ERAL1: variants seen among roughly 807,000 people sequenced by gnomAD.
ERAL1 encodes the protein GTPase Era, mitochondrial.
A neutral mutation model predicts 53.6 loss-of-function variants in ERAL1; 36 were observed. The observed-to-expected ratio is 0.67, with a 90% CI of 0.51 to 0.89. The LOEUF (loss-of-function observed/expected upper bound fraction) is 0.89, where lower values mean the gene tolerates loss of function less well. Ranked by LOEUF, ERAL1 falls within the 40% of genes least tolerant of loss-of-function variation. The probability of loss-of-function intolerance (pLI) is 0.00; values close to 1 mark genes in which losing one functional copy is unlikely to be tolerated. For missense variants in ERAL1, 512 were observed against 537.5 expected, an observed-to-expected ratio of 0.95 and a Z score of 0.47; for synonymous variants, 215 against 211.8, an observed-to-expected ratio of 1.02 and a Z score of -0.13.
At chr17:28,859,601 G>A (rs1230827149) in intron 9 of ERAL1, among the ~76,000 whole-genome samples, 3 of 151,264 alleles carry the variant, frequency 2.0e-5, no homozygotes, top group Admixed American at 6.6e-5. Context: ...GTGCAGTGGC[G>A]TGATCTCTGC....
At chr17:28,858,870 G>T (rs762609894) in intron 7 of ERAL1, 46 bp downstream of exon 7, 4 of 1,612,846 alleles carry the variant, frequency 2.5e-6, no homozygotes, top group Non-Finnish European at 3.4e-6. Context: ...TCTACCATAT[G>T]AAGACAGCCC....
chr17:28,858,777 A>C lies in ERAL1; in HGVS notation c.913A>C (p.Ile305Leu), dbSNP rs1371225810. 3 of 1,614,138 alleles carry C rather than the reference A, an allele frequency of 1.9e-6. No individual in the cohort carries two copies. Among genetic ancestry groups the C allele is most frequent in the Non-Finnish European group, 1.7e-6 (2 of 1,179,998 alleles). The change falls in exon 7 of 10, where the codon ATC becomes CTC. Residue 305 changes from isoleucine to leucine, a missense_variant. Ile to Leu is a conservative substitution (Grantham distance 5, BLOSUM62 2). Transcript: ENST00000254928. ...GATTGGCTGGCCCCACTTCAAGGAG[A>C]TCTTCATGTTGTCAGCCCTAAGCCA... Reference protein sequence around the residue: ...QRIGWPHFKEIFMLSALSQED... With the variant: ...QRIGWPHFKELFMLSALSQED...
intron 9 of ERAL1, among the ~76,000 whole-genome samples, chr17:28,859,623 T>G (rs2152642797): frequency 6.6e-6 from 1 of 152,002 alleles, no homozygotes; most frequent in South Asian, 2.1e-4. Context: ...CACTGCAACC[T>G]CCGCCTCCCA....
rs2039246091 is a variant in ERAL1, at chr17:28,856,563, C to A, written c.470C>A (p.Thr157Lys). ...TTRCQALGVITEKETQVILLD... is the reference protein window; with the variant it reads ...TTRCQALGVIKEKETQVILLD... ...CGCTGCCAAGCTCTGGGGGTCATCA[C>A]AGAGAAGGAGACCCAGGTGGTGGGT... The change falls in exon 3 of 10, where the codon ACA (threonine) becomes AAA (lysine). Residue 157 changes from threonine to lysine, a missense_variant. Physicochemically the swap from Thr to Lys is moderately conservative, Grantham distance 78 (BLOSUM62 -1). Transcript: ENST00000254928. 1.2e-6 allele frequency: 2 copies of A among 1,613,882 alleles called. No individual in the cohort carries two copies. The highest frequency in any genetic ancestry group is 2.7e-5 in the African/African-American group (2 of 74,880).
At chr17:28,857,455 C>T (rs1367991526) in intron 3 of ERAL1, among the ~76,000 whole-genome samples, 1 of 151,910 alleles carries the variant, frequency 6.6e-6, no homozygotes, top group East Asian at 1.9e-4. Context: ...TATTCACAGT[C>T]ATCATCTTTC....
Position 28,858,003 on chromosome 17 carries a change from G to A in ERAL1, c.536+18G>A. ...CAGAAGAGGTAATGGTGGTGGAATT[G>A]GGGTGGATTGGCGGGGAGGTACTGA... On this transcript the variant is annotated intron_variant, in intron 4 of 9. Coordinates refer to ENST00000254928, the MANE Select transcript of ERAL1 (RefSeq NM_005702.4). 1 of 1,614,098 alleles carries A rather than the reference G, an allele frequency of 6.2e-7. No homozygotes were observed. The highest frequency in any genetic ancestry group is 1.3e-5 in the African/African-American group (1 of 75,010).
chr17:28,858,341 C>G, intron 5 of ERAL1, 33 bp from the exon 6 acceptor site: 3 of 1,610,890 alleles, frequency 1.9e-6, no homozygotes, highest in Non-Finnish European at 2.5e-6. Flanking sequence ...GTGACCATTT[C>G]CTTTTCCTTC....
Position 28,857,996 on chromosome 17 carries a change from T to G in ERAL1, c.536+11T>G, listed in dbSNP as rs1371902180. 1 of 1,613,860 alleles carries G rather than the reference T, an allele frequency of 6.2e-7. No individual in the cohort carries two copies. The highest frequency in any genetic ancestry group is 8.5e-7 in the Non-Finnish European group (1 of 1,179,976). ...TGGTAAACAGAAGAGGTAATGGTGGTGGAATTGGGGTGGATTGGCGGGGAG... is the reference window on the plus strand; with the variant it reads ...TGGTAAACAGAAGAGGTAATGGTGGGGGAATTGGGGTGGATTGGCGGGGAG... On this transcript the variant is annotated intron_variant, in intron 4 of 9. Transcript: ENST00000254928.
At chr17:28,857,476 C>A (rs1033216995) in intron 3 of ERAL1, among the ~76,000 whole-genome samples, 5 of 151,914 alleles carry the variant, frequency 3.3e-5, no homozygotes, top group Admixed American at 6.6e-5. Flanking sequence ...TCCCAGATCC[C>A]ATCAAAGCAG....
chr17:28,857,940 T>C lies in ERAL1; in HGVS notation c.491T>C (p.Ile164Thr). The C allele has an allele frequency of 6.2e-7, 1 of 1,614,134 alleles. No individual in the cohort carries two copies. Among genetic ancestry groups the C allele is most frequent in the Non-Finnish European group, 8.5e-7 (1 of 1,180,032 alleles). ...GGTATCTCACTTTCCTGATTTTAGA[T>C]TCTACTTGACACACCTGGCATTATC... ...GVITEKETQV[I>T]LLDTPGIISP... Residue 164 changes from isoleucine (I) to threonine (T), a missense_variant and splice_region_variant, in exon 4 of 10, where the codon ATT (isoleucine) becomes ACT (threonine). Physicochemically the swap from Ile to Thr is moderately conservative, Grantham distance 89. Coordinates refer to ENST00000254928, the MANE Select transcript of ERAL1 (RefSeq NM_005702.4).
At chr17:28,856,243 C>T in intron 1 of ERAL1, 21 bp from the exon 2 acceptor site, 1 of 1,613,460 alleles carries the variant, frequency 6.2e-7, no homozygotes, top group Non-Finnish European at 8.5e-7. Flanking sequence ...GTGTCTCATG[C>T]TTCTTCCCAC....
chr17:28,860,698 C>T lies in ERAL1; in HGVS notation c.*145C>T. On this transcript the variant is annotated 3_prime_UTR_variant, in exon 10 of 10. Transcript: ENST00000254928. ...ACTAGCTGGCCTGGCCCTGTTGAGT[C>T]TGCACAGTCCCTGCCCAGCTGTGTC... 1.0e-6 allele frequency: 1 copy of T among 979,666 alleles called. No individual in the cohort carries two copies. 60.7% of individuals were successfully genotyped at this position (979,666 alleles called of 1,614,324 possible).
chr17:28,855,428 CAGGG>C, intron 1 of ERAL1, 111 bp downstream of exon 1: 14 of 1,221,366 alleles, frequency 1.1e-5, no homozygotes, highest in Non-Finnish European at 1.4e-5. Context: ...GAGGCCCTGA[CAGGG>C]AGGAGCAGTG....
rs935649733 is a variant in ERAL1 at position 28,858,169 on chromosome 17, T to C, written c.560T>C (p.Leu187Ser). 1.2e-6 allele frequency: 2 copies of C among 1,613,986 alleles called. No homozygotes were observed. The highest frequency in any genetic ancestry group is 1.7e-6 in the Non-Finnish European group (2 of 1,180,038). The change falls in exon 5 of 10, where the codon TTG (leucine) becomes TCG (serine). Residue 187 changes from leucine (L) to serine (S), a missense_variant. Leu to Ser is a moderately radical substitution (Grantham distance 145, BLOSUM62 -2). Coordinates refer to ENST00000254928, the MANE Select transcript of ERAL1 (RefSeq NM_005702.4). ...AGGCATCACCTGGAGCTCTCTTTGT[T>C]GGAAGATCCATGGAAGAGCATGGAA... Reference protein sequence around the residue: ...QKRHHLELSLLEDPWKSMESA... With the variant: ...QKRHHLELSLSEDPWKSMESA...
rs761679058 is a variant in ERAL1, at chr17:28,861,027, T to C, written c.*474T>C. On this transcript the variant is annotated 3_prime_UTR_variant, in exon 10 of 10. Transcript: ENST00000254928. The stretch of plus-strand genomic sequence containing the variant: ...CCCACCCCATCCCTCTCCCCAGTCT[T>C]GGATACTAATAAAATATAAGCATTC... The C allele has an allele frequency of 1.9e-5, 4 of 215,978 alleles. No individual in the cohort carries two copies. The highest frequency in any genetic ancestry group is 2.8e-5 in the Non-Finnish European group (3 of 108,778). 13.4% of individuals were successfully genotyped at this position (215,978 alleles called of 1,614,324 possible).
At position 28,855,088 on chromosome 17, in the gene ERAL1, C is replaced by A. The variant is rs376700886; in HGVS notation, c.54C>A (p.Val18=). The A allele has an allele frequency of 3.1e-6, 5 of 1,613,998 alleles. No individual in the cohort carries two copies. The African/African-American group carries it at 6.7e-5, about 22-fold the overall frequency. Residue 18 remains valine, a synonymous_variant, in exon 1 of 10, where the codon GTC becomes GTA. Coordinates refer to ENST00000254928, the MANE Select transcript of ERAL1 (RefSeq NM_005702.4). ...GGCTTGTTCAATCGGTGTTAAGAGT[C>A]TGGCAGGTGGGCCCTCATGTCGCGA... ...GARLVQSVLR[V]WQVGPHVARE...
At chr17:28,859,835 T>A (rs1567920624) in intron 9 of ERAL1, among the ~76,000 whole-genome samples, 1 of 151,722 alleles carries the variant, frequency 6.6e-6, no homozygotes, top group South Asian at 2.1e-4. Context: ...TTTAAAAAAA[T>A]TTTTTTGTAG....
rs566950249 is a variant in ERAL1, at chr17:28,860,236, C to G, written c.1192-195C>G. ...AGGTGATCTGCCCGCCTCAGCCTCC[C>G]AAAGTGCTGGGATTACAGGCGTGAG... On this transcript the variant is annotated intron_variant, in intron 9 of 9. Transcript: ENST00000254928. Among the ~76,000 whole-genome samples, 11 of 152,292 alleles carry G rather than the reference C, an allele frequency of 7.2e-5. No individual in the cohort carries two copies. The East Asian group carries it at 7.7e-4, about 11-fold the overall frequency.
chr17:28,855,238 T>G lies in ERAL1; in HGVS notation c.204T>G (p.Ser68=). 6.2e-7 allele frequency: 1 copy of G among 1,613,908 alleles called. No homozygotes were observed. The highest frequency in any genetic ancestry group is 8.5e-7 in the Non-Finnish European group (1 of 1,179,824). ...CTTCTCGCAGTAATGGCCAGGGCTC[T>G]GCCCTGGACCACTTCCTCGGATTCT... ...ASASRSNGQG[S]ALDHFLGFSQ... is the part of the protein sequence containing the mutation. The change falls in exon 1 of 10, where the codon TCT becomes TCG. Residue 68 remains serine, a synonymous_variant. Coordinates refer to ENST00000254928, the MANE Select transcript of ERAL1 (RefSeq NM_005702.4).
Sources: gnomAD v4.1 joint callset for allele counts (sites outside exome capture counted in the v4.1 genomes callset) on GRCh38, gnomAD v4.1.1 for gene constraint, MANE v1.5 for transcripts, NCBI Gene and HGNC (gene_info 2026-07-23, HGNC 2026-07-21) for gene names.